TNXB: variants seen among roughly 807,000 people sequenced by gnomAD.
The protein encoded by TNXB is tenascin-X.
TNXB carries 183 observed loss-of-function variants against 340.5 expected under a neutral mutation model. The observed-to-expected ratio is 0.54, with a 90% CI of 0.48 to 0.61. TNXB has a LOEUF of 0.61. TNXB is among the 20% of genes least tolerant of loss of function. TNXB has a pLI of 0.00. For synonymous variants in TNXB, 2,121 were observed against 2,314.5 expected (o/e 0.92, Z 2.40); for missense variants, 4,613 against 5,446.4 (o/e 0.85, Z 4.82).
At chr6:32,105,711 G>C (rs953761592) in intron 1 of TNXB, among the ~76,000 whole-genome samples, 1 of 152,212 alleles carries the variant, frequency 6.6e-6, no homozygotes, top group Non-Finnish European at 1.5e-5. Context: ...GGCCAGGCCA[G>C]GGAAGATCCT....
Position 32,097,222 on chromosome 6 carries a change from G to C in TNXB, c.631C>G (p.Pro211Ala), listed in dbSNP as rs559844112. 1 of 1,600,184 alleles carries C rather than the reference G, an allele frequency of 6.2e-7. No individual in the cohort carries two copies. The highest frequency in any genetic ancestry group is 8.5e-7 in the Non-Finnish European group (1 of 1,174,000). ...RCVCFPGYTGPSCGWPSCPGD... is the reference protein window; with the variant it reads ...RCVCFPGYTGASCGWPSCPGD... The stretch of plus-strand genomic sequence containing the variant: ...GGACAGGATGGCCAGCCACAGCTGG[G>C]GCCAGTGTAGCCGGGAAAGCACACG... The change falls in exon 3 of 44, where the codon CCC (proline) becomes GCC (alanine). Residue 211 changes from proline (P) to alanine (A), a missense_variant. By Grantham distance (27) the Pro-to-Ala change is conservative. Around this residue, in one of 7 missense-constraint regions of TNXB, gnomAD observed 4,327 missense variants for 4,859.4 expected, o/e 0.89. Coordinates refer to ENST00000644971, the MANE Select transcript of TNXB (RefSeq NM_001365276.2). The surrounding 1 kb of genome is among the most constrained non-coding windows in gnomAD (Gnocchi z 5.9).
At position 32,062,429 on chromosome 6, in the gene TNXB, T is replaced by G. The variant is rs2151908289; in HGVS notation, c.6896A>C (p.Glu2299Ala). The G allele has an allele frequency of 6.2e-7, 1 of 1,612,660 alleles. No homozygotes were observed. The highest frequency in any genetic ancestry group is 1.1e-5 in the South Asian group (1 of 91,056). Reference sequence around the variant, plus strand: ...CTCCAGGCGAGGCTTGATGGGGGGTTCAGGGGTGGGAGGTTCTGTCGAGGC... The same window carrying G: ...CTCCAGGCGAGGCTTGATGGGGGGTGCAGGGGTGGGAGGTTCTGTCGAGGC... ...APASTEPPTP[E>A]PPIKPRLEEL... Residue 2299 changes from glutamate (E) to alanine (A), a missense_variant, in exon 20 of 44, where the codon GAA becomes GCA. Glu to Ala is a moderately radical substitution (Grantham distance 107). Coordinates refer to ENST00000644971, the MANE Select transcript of TNXB (RefSeq NM_001365276.2). The surrounding 1 kb of genome is among the most constrained non-coding windows in gnomAD (Gnocchi z 4.3).
At position 32,084,145 on chromosome 6, in the gene TNXB, C is replaced by A. The variant is rs540383263; in HGVS notation, c.3445+268G>T. Among the ~76,000 whole-genome samples, 15 of 152,320 alleles carry A rather than the reference C, an allele frequency of 9.8e-5. No individual in the cohort carries two copies. The highest frequency in any genetic ancestry group is 2.1e-4 in the South Asian group (1 of 4,822). On this transcript the variant is annotated intron_variant, in intron 8 of 43. Transcript: ENST00000644971. This position sits in a 1 kb window ranked among gnomAD's most constrained non-coding sequence, Gnocchi z 5.5. ...TGAGACCAGGCCCTTTGGCACCCCCCACATGCCCTGTTCTCCAGCCAGAGG... is the reference window on the plus strand; with the variant it reads ...TGAGACCAGGCCCTTTGGCACCCCCAACATGCCCTGTTCTCCAGCCAGAGG...
chr6:32,098,456 T>TTTTTGTTTTG (rs60265005), intron 1 of TNXB, among the ~76,000 whole-genome samples: 16 of 151,796 alleles, frequency 1.1e-4, no homozygotes, highest in East Asian at 5.8e-4. Flanking sequence ...TACACTGGTT[T>TTTTTGTTTTG]TTTTGTTTTG....
rs1476980380 is a variant in TNXB, at chr6:32,097,755, C to T, written c.403+41G>A. On this transcript the variant is annotated intron_variant, in intron 2 of 43. Coordinates refer to ENST00000644971, the MANE Select transcript of TNXB (RefSeq NM_001365276.2). The surrounding 1 kb of genome is among the most constrained non-coding windows in gnomAD (Gnocchi z 5.9). ...CCTTTATGGACTAGCAATGCCCACC[C>T]CACCCCACCTCTCCACCCTCTTCTG... 1 of 1,493,208 alleles carries T rather than the reference C, an allele frequency of 6.7e-7. No individual in the cohort carries two copies. The highest frequency in any genetic ancestry group is 2.3e-5 in the Admixed American group (1 of 43,672). The allele number at this position is 1,493,208 out of a possible 1,614,324, so 92.5% of individuals were successfully genotyped here. A position where few individuals can be genotyped will look rare whatever the true frequency, so the allele number is the denominator to read the frequency against.
chr6:32,044,195 C>A, intron 33 of TNXB, 66 bp from the exon 34 acceptor site: 1 of 1,352,376 alleles, frequency 7.4e-7, no homozygotes, highest in Non-Finnish European at 1.0e-6. Context: ...CGAGTCCCCC[C>A]CTCGCCTCTG....
Position 32,096,019 on chromosome 6 carries a change from C to A in TNXB, c.1834G>T (p.Val612Leu), listed in dbSNP as rs368085612. 4.3e-6 allele frequency: 7 copies of A among 1,613,042 alleles called. No homozygotes were observed. The highest frequency in any genetic ancestry group is 1.1e-5 in the South Asian group (1 of 91,080). ...DGVCICWEGYVSEDCSIRTCP... is the reference protein window; with the variant it reads ...DGVCICWEGYLSEDCSIRTCP... ...GTGCGGATGCTGCAGTCCTCACTCA[C>A]GTAGCCTTCCCAACAGATGCACACA... Residue 612 changes from valine (V) to leucine (L), a missense_variant, in exon 3 of 44, where the codon GTG becomes TTG. By Grantham distance (32) the Val-to-Leu change is conservative (BLOSUM62 1). This residue lies in a region of TNXB where 4,327 missense variants were observed against 4,859.4 expected (regional missense o/e 0.89). Transcript: ENST00000644971.
chr6:32,050,488 C>T (rs1777216147), intron 26 of TNXB, among the ~76,000 whole-genome samples, 167 bp from the exon 27 acceptor site: 1 of 151,558 alleles, frequency 6.6e-6, no homozygotes, highest in South Asian at 2.1e-4. Context: ...ATCCCTCACC[C>T]TGACCCCCCT....
At chr6:32,077,985 C>T (rs1472922756) in intron 11 of TNXB, among the ~76,000 whole-genome samples, 1 of 149,624 alleles carries the variant, frequency 6.7e-6, no homozygotes, top group Non-Finnish European at 1.5e-5. Context: ...CAAGATTGCA[C>T]CACTGCATTC....
chr6:32,080,141 T>C lies in TNXB; in HGVS notation c.4043-776A>G, dbSNP rs547274918. On this transcript the variant is annotated intron_variant, in intron 10 of 43. Coordinates refer to ENST00000644971, the MANE Select transcript of TNXB (RefSeq NM_001365276.2). This position sits in a 1 kb window ranked among gnomAD's most constrained non-coding sequence, Gnocchi z 4.3. ...GGGAAGTGAGAGAGTCAGGGAGAAA[T>C]TGCAGCTCACTCTGAAAATGCTTTG... Among the ~76,000 whole-genome samples, 3 of 152,192 alleles carry C rather than the reference T, an allele frequency of 2.0e-5. No homozygotes were observed. The East Asian group carries it at 5.8e-4, about 29-fold the overall frequency.
At position 32,056,682 on chromosome 6, in the gene TNXB, T is replaced by C. The variant is rs1330015988; in HGVS notation, c.8047A>G (p.Ile2683Val). The C allele has an allele frequency of 4.3e-6, 7 of 1,613,102 alleles. No individual in the cohort carries two copies. Among genetic ancestry groups the C allele is most frequent in the East Asian group, 2.2e-5 (1 of 44,880 alleles). The change falls in exon 23 of 44, where the codon ATC becomes GTC. Residue 2683 changes from isoleucine (I) to valine (V), a missense_variant. By Grantham distance (29) the Ile-to-Val change is conservative. This residue lies in a region of TNXB where 4,327 missense variants were observed against 4,859.4 expected (regional missense o/e 0.89). Transcript: ENST00000644971. ...RVPGHEDGVTISGLEPDHKYK... is the reference protein window; with the variant it reads ...RVPGHEDGVTVSGLEPDHKYK... ...TTATGGTCTGGCTCCAGGCCTGAGA[T>C]GGTGACCCCGTCCTCGTGCCCCGGC...
intron 18 of TNXB, among the ~76,000 whole-genome samples, chr6:32,065,674 C>T (rs150056434): frequency 0.013 from 1,980 of 152,234 alleles, 36 homozygotes; most frequent in Admixed American, 0.036. Flanking sequence ...GGCTGGAGTG[C>T]AGTGGCGCGA....
Position 32,056,866 on chromosome 6 carries a change from C to G in TNXB, c.7863G>C (p.Met2621Ile). 1.2e-6 allele frequency: 2 copies of G among 1,612,750 alleles called. No homozygotes were observed. Among genetic ancestry groups the G allele is most frequent in the Non-Finnish European group, 1.7e-6 (2 of 1,179,740 alleles). ...EAETTQAVPT[M>I]TPEPPIKPRL... ...GAGGCTTGATGGGGGGCTCAGGGGT[C>G]ATGGTAGGCACTGCTTGGGTGGTCT... The change falls in exon 23 of 44, where the codon ATG becomes ATC. Residue 2621 changes from methionine to isoleucine, a missense_variant. This residue lies in a region of TNXB where 4,327 missense variants were observed against 4,859.4 expected (regional missense o/e 0.89). Transcript: ENST00000644971.
rs1777275708 is a variant in TNXB at position 32,051,379 on chromosome 6, A to G, written c.9116-1058T>C. On this transcript the variant is annotated intron_variant, in intron 26 of 43. Coordinates refer to ENST00000644971, the MANE Select transcript of TNXB (RefSeq NM_001365276.2). This position sits in a 1 kb window ranked among gnomAD's most constrained non-coding sequence, Gnocchi z 4.7. ...AACTCTGAGCCTAACCTCTGTGAGG[A>G]TTCATGAATGCAAGAAAAATTCGCT... Among the ~76,000 whole-genome samples, 1 of 152,242 alleles carries G rather than the reference A, an allele frequency of 6.6e-6. No homozygotes were observed. Among genetic ancestry groups the G allele is most frequent in the Non-Finnish European group, 1.5e-5 (1 of 68,046 alleles).
rs1327497144 is a variant in TNXB at position 32,061,352 on chromosome 6, C to G, written c.7492+45G>C. Reference sequence around the variant, plus strand: ...AAGGGCACAGCAGTAAACCAGGTACCCATGAGGGAAAGGTGGTTACCCCGA... The same window carrying G: ...AAGGGCACAGCAGTAAACCAGGTACGCATGAGGGAAAGGTGGTTACCCCGA... On this transcript the variant is annotated intron_variant, in intron 21 of 43. Transcript: ENST00000644971. The surrounding 1 kb of genome is among the most constrained non-coding windows in gnomAD (Gnocchi z 4.4). 1 of 1,595,218 alleles carries G rather than the reference C, an allele frequency of 6.3e-7. No individual in the cohort carries two copies. Among genetic ancestry groups the G allele is most frequent in the Non-Finnish European group, 8.6e-7 (1 of 1,169,196 alleles).
Position 32,095,871 on chromosome 6 carries a change from C to T in TNXB, c.1982G>A (p.Arg661Gln), listed in dbSNP as rs1780305725. 6.2e-7 allele frequency: 1 copy of T among 1,612,450 alleles called. No individual in the cohort carries two copies. The highest frequency in any genetic ancestry group is 2.2e-5 in the East Asian group (1 of 44,816). Residue 661 changes from arginine to glutamine, a missense_variant, in exon 3 of 44, where the codon CGG (arginine) becomes CAG (glutamine). Around this residue, in one of 7 missense-constraint regions of TNXB, gnomAD observed 4,327 missense variants for 4,859.4 expected, o/e 0.89. Transcript: ENST00000644971. ...MCPADCRGRG[R>Q]CVQGVCLCHV... ...GCACAGGCACACTCCTTGCACACAC[C>T]GCCCACGTCCCCGGCAGTCAGCCGG...
At chr6:32,060,184 T>C (rs1311236020) in intron 21 of TNXB, among the ~76,000 whole-genome samples, 1 of 151,538 alleles carries the variant, frequency 6.6e-6, no homozygotes, top group Non-Finnish European at 1.5e-5. Context: ...AATACAAAAT[T>C]AGCCAGATGT....
In TNXB at chr6:32,074,592, A is replaced by G. The variant is rs999545448; in HGVS notation, c.4376-640T>C. Among the ~76,000 whole-genome samples, 1 of 151,986 alleles carries G rather than the reference A, an allele frequency of 6.6e-6. No individual in the cohort carries two copies. Among genetic ancestry groups the G allele is most frequent in the Non-Finnish European group, 1.5e-5 (1 of 67,986 alleles). On this transcript the variant is annotated intron_variant, in intron 11 of 43. Transcript: ENST00000644971. This position sits in a 1 kb window ranked among gnomAD's most constrained non-coding sequence, Gnocchi z 5.5. The stretch of plus-strand genomic sequence containing the variant: ...CGTGCAACGTCTTCCTTGGAGGCCT[A>G]CTTGTGTGTCAAACTCAACAAGTCC...
At chr6:32,105,810 C>G (rs1488075569) in intron 1 of TNXB, among the ~76,000 whole-genome samples, 1 of 152,206 alleles carries the variant, frequency 6.6e-6, no homozygotes, top group Non-Finnish European at 1.5e-5. Context: ...AACCCTATGA[C>G]CCCGCAATTC....
Sources: gnomAD v4.1 joint callset for allele counts (sites outside exome capture counted in the v4.1 genomes callset) on GRCh38, gnomAD v4.1.1 for gene constraint, gnomAD v4.1.1 regional missense constraint, Gnocchi (gnomAD v3.1) non-coding constraint, MANE v1.5 for transcripts, NCBI Gene and HGNC (gene_info 2026-07-23, HGNC 2026-07-21) for gene names.